The following GRIA3 variants were observed in gnomAD, a reference collection of about 807,000 sequenced individuals.
GRIA3 encodes the protein glutamate ionotropic receptor AMPA type subunit 3.
Under a neutral mutation model 63.0 loss-of-function variants are expected in GRIA3, and 3 were observed. The observed-to-expected ratio is 0.05, with a 90% confidence interval of 0.02 to 0.12. The LOEUF (loss-of-function observed/expected upper bound fraction) is 0.12, where lower values mean the gene tolerates loss of function less well. Ranked by LOEUF, GRIA3 falls within the 10% of genes least tolerant of loss-of-function variation. The pLI, the probability that GRIA3 is intolerant of heterozygous loss-of-function variation, is 1.00. For synonymous variants in GRIA3, 274 were observed against 257.9 expected (o/e 1.06, Z -0.60); for missense variants, 347 against 700.9 (o/e 0.50, Z 5.70).
At chrX:123,363,620 G>A (rs1193859619) in intron 5 of GRIA3, among the ~76,000 whole-genome samples, 4 of 112,325 alleles carry the variant, frequency 3.6e-5, no homozygotes, top group African/African-American at 1.3e-4. Context: ...TTAATCAACA[G>A]AAGCTTACAA....
intron 5 of GRIA3, among the ~76,000 whole-genome samples, chrX:123,391,914 C>T (rs960210279): frequency 8.9e-6 from 1 of 111,914 alleles, no homozygotes; most frequent in Non-Finnish European, 1.9e-5. Context: ...TGCTAAGTTC[C>T]AACGGTGGTG....
chrX:123,413,520 G>A (rs2045518214), intron 10 of GRIA3, among the ~76,000 whole-genome samples: 1 of 65,667 alleles, frequency 1.5e-5, no homozygotes, highest in African/African-American at 6.4e-5. Context: ...AACTGATTCA[G>A]ACTCTCTCTG....
intron 12 of GRIA3, among the ~76,000 whole-genome samples, chrX:123,431,765 AGGATGCT>A (rs942087617): frequency 3.6e-5 from 4 of 112,238 alleles, no homozygotes; most frequent in Admixed American, 9.5e-5. Context: ...GAAAATAACC[AGGATGCT>A]GGATTTCTTT....
chrX:123,380,546 C>A (rs1479192503), intron 5 of GRIA3, among the ~76,000 whole-genome samples: 8 of 111,436 alleles, frequency 7.2e-5, no homozygotes, highest in African/African-American at 2.3e-4. Context: ...TGGATATTAG[C>A]CCTTTGTCAG....
intron 12 of GRIA3, among the ~76,000 whole-genome samples, chrX:123,428,662 G>A (rs975982376): frequency 1.8e-5 from 2 of 111,711 alleles, no homozygotes; most frequent in Non-Finnish European, 1.9e-5. Context: ...TTGTGTACAT[G>A]GTGATAATTT....
intron 13 of GRIA3, among the ~76,000 whole-genome samples, chrX:123,478,689 C>T (rs1003375595): frequency 5.3e-5 from 6 of 112,359 alleles, no homozygotes; most frequent in African/African-American, 1.9e-4. Flanking sequence ...TTATTAGTGA[C>T]TGGATATGTT....
intron 5 of GRIA3, among the ~76,000 whole-genome samples, chrX:123,355,615 G>A (rs2045127384): frequency 9.0e-6 from 1 of 111,651 alleles, no homozygotes; most frequent in Admixed American, 9.5e-5. Context: ...ATATCTGTTT[G>A]GCAGAGGTTC....
At chrX:123,463,887 A>C (rs2045821021) in intron 12 of GRIA3, among the ~76,000 whole-genome samples, 1 of 110,827 alleles carries the variant, frequency 9.0e-6, no homozygotes, top group Non-Finnish European at 1.9e-5. Flanking sequence ...AAGAAGCAAA[A>C]GTTTGTTGTT....
At chrX:123,311,483 T>A (rs962596677) in intron 3 of GRIA3, among the ~76,000 whole-genome samples, 2 of 112,285 alleles carry the variant, frequency 1.8e-5, no homozygotes, top group Admixed American at 1.9e-4. Flanking sequence ...CTTAGGGCAG[T>A]GGAAGGCTCC....
At chrX:123,323,877 G>C (rs904574212) in intron 3 of GRIA3, among the ~76,000 whole-genome samples, 2 of 111,681 alleles carry the variant, frequency 1.8e-5, no homozygotes, top group Admixed American at 1.9e-4. Context: ...ATATAATTTG[G>C]GTATTTAAAA....
chrX:123,463,722 A>T (rs868323524), intron 12 of GRIA3, among the ~76,000 whole-genome samples: 1 of 82,072 alleles, frequency 1.2e-5, no homozygotes, highest in African/African-American at 4.9e-5. Context: ...GAAAGAAAGA[A>T]AGAGAAAGAA....
chrX:123,438,430 A>G (rs2045656494), intron 12 of GRIA3, among the ~76,000 whole-genome samples: 1 of 112,807 alleles, frequency 8.9e-6, no homozygotes, highest in Admixed American at 9.3e-5. Context: ...ACATTGGCAT[A>G]CAAACATCTG....
intron 13 of GRIA3, among the ~76,000 whole-genome samples, chrX:123,468,497 C>A (rs147175484): frequency 9.0e-6 from 1 of 111,721 alleles, no homozygotes; most frequent in African/African-American, 3.3e-5. Context: ...GAGAACAAAC[C>A]CTTTTCAAAT....
At chrX:123,208,313 ACT>A (rs1216267279) in intron 2 of GRIA3, among the ~76,000 whole-genome samples, 21 of 112,163 alleles carry the variant, frequency 1.9e-4, no homozygotes, top group Non-Finnish European at 3.9e-4. Context: ...TCCAGCCCCA[ACT>A]CTGTTTCTAA....
intron 4 of GRIA3, among the ~76,000 whole-genome samples, chrX:123,335,411 G>A (rs1371370035): frequency 9.0e-6 from 1 of 111,507 alleles, no homozygotes; most frequent in Non-Finnish European, 1.9e-5. Context: ...AGGGCTTCTG[G>A]TAATTGGATT....
chrX:123,297,011 G>T (rs1219376548), intron 3 of GRIA3, among the ~76,000 whole-genome samples: 1 of 111,072 alleles, frequency 9.0e-6, no homozygotes. Flanking sequence ...ATATATTCAA[G>T]CATGCCTCTC....
intron 2 of GRIA3, among the ~76,000 whole-genome samples, chrX:123,248,741 G>A (rs960540489): frequency 1.8e-5 from 2 of 111,474 alleles, no homozygotes; most frequent in African/African-American, 3.3e-5. Context: ...AGCCGAGATC[G>A]GGCCATTGCA....
At chrX:123,483,386 T>A (rs2045922422) in intron 15 of GRIA3, among the ~76,000 whole-genome samples, 1 of 112,197 alleles carries the variant, frequency 8.9e-6, no homozygotes, top group African/African-American at 3.2e-5. Context: ...CAAGTGAAAT[T>A]AATTTTAATG....
intron 3 of GRIA3, among the ~76,000 whole-genome samples, chrX:123,254,538 G>T: frequency 8.9e-6 from 1 of 111,836 alleles, no homozygotes; most frequent in East Asian, 2.8e-4. Flanking sequence ...AGGATTAAAT[G>T]AAAGGCTTAT....
Sources: gnomAD v4.1 joint callset for allele counts (sites outside exome capture counted in the v4.1 genomes callset) on GRCh38, gnomAD v4.1.1 for gene constraint, MANE v1.5 for transcripts, NCBI Gene and HGNC (gene_info 2026-07-23, HGNC 2026-07-21) for gene names.